The following TENT5D variants were observed in gnomAD, a reference collection of about 807,000 sequenced individuals.
The protein encoded by TENT5D is cancer/testis antigen 112.
For synonymous variants in TENT5D, 103 were observed against 100.6 expected, an observed-to-expected ratio of 1.02 and a Z score of -0.15; for missense variants, 191 against 287.0, an observed-to-expected ratio of 0.67 and a Z score of 2.42.
chrX:80,385,343 T>C lies in TENT5D; in HGVS notation c.-142+42779T>C, dbSNP rs77721533. On this transcript the variant is annotated intron_variant, in intron 3 of 4. Transcript: ENST00000538312. Reference sequence around the variant, plus strand: ...GGGAAAGGATTCCCCATTTAATAAATGGTGCAGGGAAAACTGGCTAGCCAT... The same window carrying C: ...GGGAAAGGATTCCCCATTTAATAAACGGTGCAGGGAAAACTGGCTAGCCAT... Among the ~76,000 whole-genome samples the C allele has an allele frequency of 9.7e-4, 105 of 108,204 alleles. 3 individuals carry two copies. Among genetic ancestry groups the C allele is most frequent in the East Asian group, 7.6e-3 (26 of 3,431 alleles). The allele number at this position is 108,204 out of a possible 115,157, so 94.0% of individuals were successfully genotyped here. A position where few individuals can be genotyped will look rare whatever the true frequency, so the allele number is the denominator to read the frequency against.
At chrX:80,385,929 G>T (rs1028603060) in intron 3 of TENT5D, among the ~76,000 whole-genome samples, 1 of 112,199 alleles carries the variant, frequency 8.9e-6, no homozygotes, top group African/African-American at 3.2e-5. Context: ...AACAACAGGT[G>T]CTGGAGAGGA....
intron 3 of TENT5D, among the ~76,000 whole-genome samples, chrX:80,393,362 C>T (rs1195987690): frequency 9.0e-6 from 1 of 110,557 alleles, no homozygotes; most frequent in Non-Finnish European, 1.9e-5. Flanking sequence ...TTTCTCCCCT[C>T]ACTCCTTCTT....
chrX:80,405,723 A>C (rs1277998703), intron 3 of TENT5D, among the ~76,000 whole-genome samples: 107 of 111,498 alleles, frequency 9.6e-4, no homozygotes, highest in Non-Finnish European at 1.3e-3. Flanking sequence ...ACAAAGCAGC[A>C]GGGAAGCTCG....
chrX:80,427,125 T>A (rs1345321865), intron 1 of TENT5D, among the ~76,000 whole-genome samples: 1 of 112,051 alleles, frequency 8.9e-6, no homozygotes, highest in Non-Finnish European at 1.9e-5. Context: ...AGGTATGCCT[T>A]TATCAGAAGC....
chrX:80,409,987 T>C (rs1191328126), intron 3 of TENT5D, among the ~76,000 whole-genome samples: 2 of 109,250 alleles, frequency 1.8e-5, no homozygotes, highest in Non-Finnish European at 3.8e-5. Context: ...AGAAAAGCAA[T>C]GGGGAAAGGA....
At chrX:80,443,646 ACCC>A (rs773908265) in exon 3 of TENT5D, 2 of 1,201,490 alleles carry the variant, frequency 1.7e-6, no homozygotes, top group African/African-American at 3.5e-5. Flanking sequence ...TACCTGAGCC[ACCC>A]CCCGTTAGCT....
intron 3 of TENT5D, among the ~76,000 whole-genome samples, chrX:80,345,830 G>A (rs1930048015): frequency 9.0e-6 from 1 of 111,226 alleles, no homozygotes; most frequent in African/African-American, 3.3e-5. Context: ...AATCTGCAGG[G>A]TTTCCATAAG....
intron 3 of TENT5D, among the ~76,000 whole-genome samples, chrX:80,397,910 G>A (rs1330397152): frequency 4.5e-5 from 5 of 111,648 alleles, no homozygotes; most frequent in Non-Finnish European, 7.6e-5. Flanking sequence ...GCATCAGAGG[G>A]AGACCGTGGA....
intron 3 of TENT5D, among the ~76,000 whole-genome samples, chrX:80,393,738 A>G (rs1931183980): frequency 9.0e-6 from 1 of 110,899 alleles, no homozygotes; most frequent in Non-Finnish European, 1.9e-5. Context: ...TCTGGTAACC[A>G]CCATTTTACT....
intron 3 of TENT5D, among the ~76,000 whole-genome samples, chrX:80,357,988 C>T (rs775326837): frequency 1.5e-3 from 167 of 111,225 alleles, no homozygotes; most frequent in African/African-American, 5.2e-3. Context: ...TGGAACAGAA[C>T]AGAGCCCTCA....
intron 3 of TENT5D, among the ~76,000 whole-genome samples, chrX:80,350,118 A>G (rs760351574): frequency 3.6e-5 from 4 of 111,593 alleles, no homozygotes. Flanking sequence ...AAGAATGTAT[A>G]TTCTGTTGAT....
chrX:80,356,922 C>T (rs1346691291), intron 3 of TENT5D, among the ~76,000 whole-genome samples: 1 of 110,741 alleles, frequency 9.0e-6, no homozygotes, highest in Non-Finnish European at 1.9e-5. Context: ...TCCTCCCACC[C>T]CACAACAGGC....
chrX:80,347,065 T>G (rs1930078425), intron 3 of TENT5D, among the ~76,000 whole-genome samples: 1 of 112,056 alleles, frequency 8.9e-6, no homozygotes, highest in African/African-American at 3.2e-5. Flanking sequence ...ATTTTCTTTA[T>G]CCAGTATATC....
intron 3 of TENT5D, among the ~76,000 whole-genome samples, chrX:80,381,056 A>G (rs1317428418): frequency 1.8e-5 from 2 of 111,788 alleles, no homozygotes; most frequent in East Asian, 5.6e-4. Flanking sequence ...CCTACCATCA[A>G]TGGTCTTTAC....
At chrX:80,411,873 AGCTACCATTCTGGG>A (rs1460774085) in intron 3 of TENT5D, among the ~76,000 whole-genome samples, 1 of 111,665 alleles carries the variant, frequency 9.0e-6, no homozygotes, top group Non-Finnish European at 1.9e-5. Flanking sequence ...CTGCCAGTGG[AGCTACCATTCTGGG>A]GTTTGGAGGA....
At chrX:80,442,668 C>A (rs1403149919) in exon 3 of TENT5D, 11 of 1,210,647 alleles carry the variant, frequency 9.1e-6, no homozygotes, top group African/African-American at 3.5e-5. Context: ...CAAAAGACAT[C>A]ATTCATGTTG....
chrX:80,384,980 A>G (rs1930960773), intron 3 of TENT5D, among the ~76,000 whole-genome samples: 1 of 111,769 alleles, frequency 8.9e-6, no homozygotes, highest in Non-Finnish European at 1.9e-5. Flanking sequence ...CAATATTGTG[A>G]AAATGGCCAT....
intron 3 of TENT5D, among the ~76,000 whole-genome samples, chrX:80,376,194 A>G (rs1397721945): frequency 3.6e-5 from 4 of 111,055 alleles, no homozygotes; most frequent in Non-Finnish European, 7.6e-5. Flanking sequence ...TCCTCTGTTT[A>G]AAGAACAAGA....
At chrX:80,397,054 G>A (rs1401628143) in intron 3 of TENT5D, among the ~76,000 whole-genome samples, 7 of 94,255 alleles carry the variant, frequency 7.4e-5, no homozygotes, top group Non-Finnish European at 1.3e-4. Flanking sequence ...CCTCCCAGAC[G>A]GGGTGGCTGC....
Sources: gnomAD v4.1 joint callset for allele counts (sites outside exome capture counted in the v4.1 genomes callset) on GRCh38, gnomAD v4.1.1 for gene constraint, MANE v1.5 for transcripts, NCBI Gene and HGNC (gene_info 2026-07-23, HGNC 2026-07-21) for gene names.